EEFSEC: variants seen among roughly 807,000 people sequenced by gnomAD.
EEFSEC encodes selenocysteine-specific elongation factor.
Under a neutral mutation model 42.1 loss-of-function variants are expected in EEFSEC, and 43 were observed. The observed-to-expected ratio is 1.02, with a 90% confidence interval of 0.80 to 1.32. The LOEUF is 1.32. Ranked by LOEUF, EEFSEC falls within the 40% of genes most tolerant of loss-of-function variation. EEFSEC has a pLI of 0.00. For missense variants in EEFSEC, 745 were observed against 803.6 expected, an observed-to-expected ratio of 0.93 and a Z score of 0.88; for synonymous variants, 354 against 339.1, an observed-to-expected ratio of 1.04 and a Z score of -0.48.
intron 4 of EEFSEC, among the ~76,000 whole-genome samples, chr3:128,271,157 C>T (rs949393941): frequency 6.6e-6 from 1 of 152,198 alleles, no homozygotes; most frequent in African/African-American, 2.4e-5. Flanking sequence ...AGCTGGGCAG[C>T]CCCCCACTTC....
intron 1 of EEFSEC, among the ~76,000 whole-genome samples, chr3:128,239,933 G>A (rs949777273): frequency 6.6e-6 from 1 of 152,216 alleles, no homozygotes; most frequent in African/African-American, 2.4e-5. Flanking sequence ...CCTCTAGCCT[G>A]TTAAACTCCT....
intron 1 of EEFSEC, among the ~76,000 whole-genome samples, chr3:128,197,258 G>A (rs2065594429): frequency 6.6e-6 from 1 of 152,178 alleles, no homozygotes; most frequent in Admixed American, 6.5e-5. Flanking sequence ...AATCCTGGAG[G>A]CGGAAATACG....
intron 1 of EEFSEC, among the ~76,000 whole-genome samples, chr3:128,195,004 GAGCTGGTC>G (rs2107808519): frequency 6.6e-6 from 1 of 152,130 alleles, no homozygotes; most frequent in South Asian, 2.1e-4. Flanking sequence ...CTCCTTCTTG[GAGCTGGTC>G]AGCCAGTGCT....
At chr3:128,187,851 G>C (rs1361593636) in intron 1 of EEFSEC, among the ~76,000 whole-genome samples, 1 of 152,226 alleles carries the variant, frequency 6.6e-6, no homozygotes, top group Non-Finnish European at 1.5e-5. Context: ...AGCAATGAGA[G>C]ATTCAGTTTC....
rs548887546 is a variant in EEFSEC at position 128,281,443 on chromosome 3, T to C, written c.786+16662T>C. 1.3e-5 allele frequency among the ~76,000 whole-genome samples: 2 copies of C among 152,108 alleles called. 1 individual carries two copies. Among genetic ancestry groups the C allele is most frequent in the South Asian group, 4.2e-4 (2 of 4,816 alleles). ...GCCTCCAGCCCACTTCTAGTAAGAG[T>C]ATGTTCCAGAAACTTGACTTTGTAT... On this transcript the variant is annotated intron_variant, in intron 4 of 6. Transcript: ENST00000254730.
intron 4 of EEFSEC, among the ~76,000 whole-genome samples, chr3:128,313,691 G>C (rs1443697097): frequency 6.6e-6 from 1 of 152,232 alleles, no homozygotes; most frequent in Admixed American, 6.5e-5. Flanking sequence ...CATGAGCACA[G>C]CAGAGAACTG....
chr3:128,335,517 GGGATGTGAACA>G (rs1402192150), intron 4 of EEFSEC, among the ~76,000 whole-genome samples: 2 of 152,238 alleles, frequency 1.3e-5, no homozygotes, highest in Non-Finnish European at 2.9e-5. Context: ...CATGACTGAA[GGGATGTGAACA>G]GTGGGTCGGG....
intron 6 of EEFSEC, among the ~76,000 whole-genome samples, chr3:128,403,180 G>A (rs1172740566): frequency 1.3e-5 from 2 of 152,194 alleles, no homozygotes; most frequent in African/African-American, 2.4e-5. Context: ...CGGAGGGATT[G>A]GCAAAGACAG....
intron 1 of EEFSEC, among the ~76,000 whole-genome samples, chr3:128,211,848 CTTTTTTTTTTTT>C (rs34885945): frequency 1.4e-4 from 7 of 51,700 alleles, no homozygotes; most frequent in African/African-American, 4.1e-4. Flanking sequence ...TTTTTCTTTT[CTTTTTTTTTTTT>C]TTTTTTTTTT....
At chr3:128,272,596 G>T (rs2066426020) in intron 4 of EEFSEC, among the ~76,000 whole-genome samples, 1 of 152,200 alleles carries the variant, frequency 6.6e-6, no homozygotes, top group Non-Finnish European at 1.5e-5. Flanking sequence ...TCTCCACACG[G>T]TTCCAGTCAG....
chr3:128,369,625 G>A (rs933029757), intron 6 of EEFSEC, among the ~76,000 whole-genome samples: 1 of 152,342 alleles, frequency 6.6e-6, no homozygotes, highest in Non-Finnish European at 1.5e-5. Flanking sequence ...GAGCTTCGGA[G>A]GCAGCCAGAC....
intron 4 of EEFSEC, among the ~76,000 whole-genome samples, chr3:128,294,851 A>G (rs1378337510): frequency 1.3e-5 from 2 of 152,216 alleles, no homozygotes; most frequent in Non-Finnish European, 2.9e-5. Context: ...TCGAATTAGA[A>G]TTGTCATGAA....
chr3:128,231,718 CAG>C (rs1230788486), intron 1 of EEFSEC, among the ~76,000 whole-genome samples: 2 of 152,074 alleles, frequency 1.3e-5, no homozygotes, highest in Non-Finnish European at 1.5e-5. Context: ...ACAAAAGAGT[CAG>C]GGGTTCTCGG....
intron 4 of EEFSEC, among the ~76,000 whole-genome samples, 156 bp downstream of exon 4, chr3:128,264,937 G>A (rs115766894): frequency 0.022 from 3,375 of 152,206 alleles, 73 homozygotes; most frequent in African/African-American, 0.047. Flanking sequence ...GCCTGGCCCC[G>A]CCCGGCTCCA....
chr3:128,406,183 C>T (rs1225004337), intron 6 of EEFSEC, among the ~76,000 whole-genome samples: 1 of 152,258 alleles, frequency 6.6e-6, no homozygotes, highest in African/African-American at 2.4e-5. Context: ...TAAGTGGTCT[C>T]ACCCTGGCCA....
chr3:128,351,476 C>T (rs1052703333), intron 5 of EEFSEC, among the ~76,000 whole-genome samples: 4 of 152,216 alleles, frequency 2.6e-5, no homozygotes, highest in African/African-American at 9.6e-5. Context: ...GAAGTCAGGC[C>T]TCCCAAGCCC....
intron 4 of EEFSEC, among the ~76,000 whole-genome samples, chr3:128,267,092 G>A (rs2066362496): frequency 6.6e-6 from 1 of 152,074 alleles, no homozygotes; most frequent in Non-Finnish European, 1.5e-5. Context: ...GGGGGGTGGG[G>A]TAGACTTTGA....
chr3:128,292,035 A>T (rs903071235), intron 4 of EEFSEC, among the ~76,000 whole-genome samples: 2 of 152,146 alleles, frequency 1.3e-5, no homozygotes, highest in African/African-American at 4.8e-5. Context: ...CTTCTATTAA[A>T]TTATTATATA....
At chr3:128,401,522 G>A (rs1442727290) in intron 6 of EEFSEC, among the ~76,000 whole-genome samples, 2 of 152,232 alleles carry the variant, frequency 1.3e-5, no homozygotes, top group Non-Finnish European at 2.9e-5. Context: ...ACCTTCCCAA[G>A]GGGCAGCATC....
Sources: gnomAD v4.1 joint callset for allele counts (sites outside exome capture counted in the v4.1 genomes callset) on GRCh38, gnomAD v4.1.1 for gene constraint, MANE v1.5 for transcripts, NCBI Gene and HGNC (gene_info 2026-07-23, HGNC 2026-07-21) for gene names.